Variants in MGAT4C observed in about 807,000 individuals in gnomAD.
MGAT4C encodes the protein MGAT4 family member C.
MGAT4C carries 19 observed loss-of-function variants against 40.1 expected under a neutral mutation model. That is an observed-to-expected ratio of 0.47 (90% CI 0.33 to 0.70). The LOEUF (loss-of-function observed/expected upper bound fraction) is 0.70. Ranked by LOEUF, MGAT4C falls within the 30% of genes least tolerant of loss-of-function variation. The probability of loss-of-function intolerance (pLI) is 0.02; values close to 1 mark genes in which losing one functional copy is unlikely to be tolerated. For synonymous variants in MGAT4C, 181 were observed against 187.1 expected (o/e 0.97, Z 0.27); for missense variants, 491 against 563.2 (o/e 0.87, Z 1.30).
chr12:86,452,913 G>T (rs573668662), intron 2 of MGAT4C, among the ~76,000 whole-genome samples: 1 of 152,228 alleles, frequency 6.6e-6, no homozygotes, highest in East Asian at 1.9e-4. Flanking sequence ...TAAATGATGG[G>T]CTTGCTACAA....
intron 2 of MGAT4C, among the ~76,000 whole-genome samples, chr12:86,506,583 C>T: frequency 6.6e-6 from 1 of 152,138 alleles, no homozygotes; most frequent in South Asian, 2.1e-4. Flanking sequence ...GATAATTAGA[C>T]ATTAATGATG....
chr12:86,771,703 T>C (rs1040809299), intron 1 of MGAT4C, among the ~76,000 whole-genome samples: 45 of 149,624 alleles, frequency 3.0e-4, no homozygotes, highest in African/African-American at 9.4e-4. Context: ...TGTGTGTGTG[T>C]GTGTGTGTGT....
chr12:86,356,546 G>T (rs538457382), intron 3 of MGAT4C, among the ~76,000 whole-genome samples: 1 of 152,128 alleles, frequency 6.6e-6, no homozygotes, highest in Non-Finnish European at 1.5e-5. Context: ...GGAAGCACAA[G>T]GCGTCTGGGA....
intron 2 of MGAT4C, among the ~76,000 whole-genome samples, chr12:86,531,116 A>G (rs1958974460): frequency 6.6e-6 from 1 of 152,066 alleles, no homozygotes. Context: ...ATTGACAACA[A>G]ATTTTATCTT....
intron 2 of MGAT4C, among the ~76,000 whole-genome samples, chr12:86,566,732 T>C (rs1331625554): frequency 8.5e-6 from 1 of 117,312 alleles, no homozygotes; most frequent in Non-Finnish European, 1.7e-5. Flanking sequence ...TATACATACA[T>C]ATGTATACAA....
intron 1 of MGAT4C, among the ~76,000 whole-genome samples, chr12:86,735,312 G>T (rs1268368321): frequency 6.6e-6 from 1 of 151,856 alleles, no homozygotes; most frequent in Non-Finnish European, 1.5e-5. Flanking sequence ...GAAATCATTT[G>T]TGATGATGGT....
chr12:86,450,895 T>C (rs1332525747), intron 2 of MGAT4C, among the ~76,000 whole-genome samples: 1 of 152,186 alleles, frequency 6.6e-6, no homozygotes, highest in Non-Finnish European at 1.5e-5. Flanking sequence ...CATACTTTTA[T>C]ATATGAGTAG....
rs1171231974 is a variant in MGAT4C at position 86,570,550 on chromosome 12, G to T, written c.-228-135285C>A. Among the ~76,000 whole-genome samples the T allele has an allele frequency of 2.0e-5, 3 of 152,126 alleles. No individual in the cohort carries two copies. The East Asian group carries it at 5.8e-4, about 30-fold the overall frequency. On this transcript the variant is annotated intron_variant, in intron 2 of 7. Transcript: ENST00000548651. ...TAAAAAAGCGCATCCATTTAAAATGGCTCAAAAATATGTAATGAATAACTT... is the reference window on the plus strand; with the variant it reads ...TAAAAAAGCGCATCCATTTAAAATGTCTCAAAAATATGTAATGAATAACTT...
intron 2 of MGAT4C, among the ~76,000 whole-genome samples, chr12:86,667,557 T>C (rs755765092): frequency 6.6e-5 from 10 of 152,200 alleles, no homozygotes; most frequent in Non-Finnish European, 1.2e-4. Flanking sequence ...TCTGTTACTA[T>C]TAAACATAAT....
At chr12:86,245,330 G>A (rs1951979047) in intron 1 of MGAT4C, among the ~76,000 whole-genome samples, 2 of 152,174 alleles carry the variant, frequency 1.3e-5, no homozygotes, top group African/African-American at 4.8e-5. Context: ...CTAGATTAAG[G>A]TTCTGCCCTT....
intron 1 of MGAT4C, among the ~76,000 whole-genome samples, chr12:86,049,925 A>G (rs1428891844): frequency 6.6e-6 from 1 of 152,036 alleles, no homozygotes; most frequent in Non-Finnish European, 1.5e-5. Context: ...ATGTCACAGA[A>G]TAGACATACC....
At chr12:86,091,766 TG>T (rs928777314) in intron 1 of MGAT4C, among the ~76,000 whole-genome samples, 1 of 152,110 alleles carries the variant, frequency 6.6e-6, no homozygotes, top group African/African-American at 2.4e-5. Context: ...CTTAACTCGA[TG>T]GAGAGCCCTT....
At chr12:86,808,750 CA>C (rs1952412540) in intron 1 of MGAT4C, among the ~76,000 whole-genome samples, 1 of 152,068 alleles carries the variant, frequency 6.6e-6, no homozygotes, top group African/African-American at 2.4e-5. Context: ...CCCTCCTACG[CA>C]ACATAGCATT....
intron 2 of MGAT4C, among the ~76,000 whole-genome samples, chr12:86,439,855 A>G (rs990409816): frequency 5.3e-5 from 8 of 150,880 alleles, no homozygotes; most frequent in African/African-American, 2.0e-4. Flanking sequence ...ACCTCTATAC[A>G]TACAAACTAG....
rs949536950 is a variant in MGAT4C, at chr12:86,468,728, A to G, written c.-228-33463T>C. Reference sequence around the variant, plus strand: ...CACTGAGATTCTGGCTGTTTCAGACATAGCAAGCATATTCCCATTTTATTA... The same window carrying G: ...CACTGAGATTCTGGCTGTTTCAGACGTAGCAAGCATATTCCCATTTTATTA... On this transcript the variant is annotated intron_variant, in intron 2 of 7. Coordinates refer to the MGAT4C transcript ENST00000548651. Among the ~76,000 whole-genome samples, 80 of 152,124 alleles carry G rather than the reference A, an allele frequency of 5.3e-4. 1 individual carries two copies. Among genetic ancestry groups the G allele is most frequent in the African/African-American group, 1.8e-3 (74 of 41,436 alleles).
intron 1 of MGAT4C, among the ~76,000 whole-genome samples, chr12:86,754,406 TGTTA>T (rs1281904807): frequency 6.6e-6 from 1 of 152,134 alleles, no homozygotes; most frequent in Non-Finnish European, 1.5e-5. Flanking sequence ...TTGATTGTGA[TGTTA>T]GTTTTATGGG....
Position 85,974,320 on chromosome 12 carries a change from A to G in MGAT4C, c.*4969T>C, listed in dbSNP as rs1157028368. ...AGAAGAGGAACACAACCAGGAGGACAGTGTGTCAGGAAAATCCAAGAATAA... is the reference window on the plus strand; with the variant it reads ...AGAAGAGGAACACAACCAGGAGGACGGTGTGTCAGGAAAATCCAAGAATAA... On this transcript the variant is annotated 3_prime_UTR_variant, in exon 5 of 5. Transcript: ENST00000611864. The G allele has an allele frequency of 6.6e-6, 1 of 150,880 alleles. No individual in the cohort carries two copies. Among genetic ancestry groups the G allele is most frequent in the Non-Finnish European group, 1.5e-5 (1 of 67,084 alleles). The allele number at this position is 150,880 out of a possible 1,614,324, so 9.3% of individuals were successfully genotyped here.
intron 2 of MGAT4C, among the ~76,000 whole-genome samples, chr12:86,675,073 C>A (rs993997923): frequency 1.3e-5 from 2 of 152,100 alleles, no homozygotes; most frequent in African/African-American, 4.8e-5. Context: ...AAAATTATAT[C>A]ATGTCTTCAA....
At chr12:86,703,066 G>A (rs2081817) in intron 2 of MGAT4C, among the ~76,000 whole-genome samples, 117,993 of 152,032 alleles carry the variant, frequency 0.78, 47,173 homozygotes, top group Middle Eastern at 0.88. Flanking sequence ...GGAAGTAATC[G>A]TGGATGTGGT....
Sources: allele counts gnomAD v4.1 joint callset (sites outside exome capture counted in the v4.1 genomes callset), GRCh38; gene constraint gnomAD v4.1.1; transcripts MANE v1.5; gene names NCBI Gene and HGNC (gene_info 2026-07-23, HGNC 2026-07-21).